The following TMEM132C variants were observed in gnomAD, a reference collection of about 807,000 sequenced individuals.
TMEM132C encodes protein phosphatase 1, regulatory subunit 152.
TMEM132C carries 29 observed loss-of-function variants against 61.4 expected under a neutral mutation model. That is an observed-to-expected ratio of 0.47 (90% CI 0.35 to 0.64). TMEM132C has a LOEUF of 0.64. Ranked by LOEUF, TMEM132C falls within the 30% of genes least tolerant of loss-of-function variation. TMEM132C has a pLI of 0.00. For synonymous variants in TMEM132C, 656 were observed against 633.1 expected (o/e 1.04, Z -0.54); for missense variants, 1,408 against 1,476.9 (o/e 0.95, Z 0.76).
At chr12:128,378,742 G>A (rs1310921484) in intron 1 of TMEM132C, among the ~76,000 whole-genome samples, 1 of 152,140 alleles carries the variant, frequency 6.6e-6, no homozygotes, top group East Asian at 1.9e-4. Context: ...CAAGAAGGTT[G>A]AGGTGATACG....
chr12:128,415,343 C>T lies in TMEM132C; in HGVS notation c.697C>T (p.His233Tyr). ...GTPVELYYTV[H>Y]PGNERGDCAG... is the part of the protein sequence containing the mutation. ...CCCTGTGGAGCTCTACTACACCGTG[C>T]ACCCAGGAAACGAGCGAGGGGACTG... is the stretch of plus-strand genomic sequence containing the variant. Residue 233 changes from histidine (H) to tyrosine (Y), a missense_variant, in exon 2 of 9, where the codon CAC (histidine) becomes TAC (tyrosine). His to Tyr is a moderately conservative substitution (Grantham distance 83). Transcript: ENST00000435159. The surrounding 1 kb of genome is among the most constrained non-coding windows in gnomAD (Gnocchi z 5.8). 1 of 1,581,324 alleles carries T rather than the reference C, an allele frequency of 6.3e-7. No homozygotes were observed. Among genetic ancestry groups the T allele is most frequent in the Non-Finnish European group, 8.6e-7 (1 of 1,162,290 alleles).
At chr12:128,693,175 G>A (rs889755561) in intron 5 of TMEM132C, among the ~76,000 whole-genome samples, 8 of 152,312 alleles carry the variant, frequency 5.3e-5, no homozygotes, top group African/African-American at 1.9e-4. Flanking sequence ...AGGCCTGCAT[G>A]TGCATGCAGG....
chr12:128,453,901 G>A (rs192826613), intron 2 of TMEM132C, among the ~76,000 whole-genome samples: 9 of 152,244 alleles, frequency 5.9e-5, no homozygotes, highest in Non-Finnish European at 1.0e-4. Context: ...AATTATGTTC[G>A]ATTTTTAAAA....
At chr12:128,421,535 A>G (rs575205061) in intron 2 of TMEM132C, among the ~76,000 whole-genome samples, 1 of 152,326 alleles carries the variant, frequency 6.6e-6, no homozygotes, top group South Asian at 2.1e-4. Flanking sequence ...GGAAATGTTT[A>G]TGGGACTAAT....
chr12:128,386,177 C>G (rs1381640520), intron 1 of TMEM132C, among the ~76,000 whole-genome samples: 2 of 152,200 alleles, frequency 1.3e-5, no homozygotes, highest in African/African-American at 4.8e-5. Context: ...GTGTTTTCAT[C>G]AGAGGTGGCC....
At chr12:128,694,358 A>T (rs983197084) in intron 6 of TMEM132C, among the ~76,000 whole-genome samples, 16 of 152,246 alleles carry the variant, frequency 1.1e-4, no homozygotes, top group African/African-American at 3.9e-4. Flanking sequence ...TCTCCAAAAA[A>T]AAGTCAGTCC....
At chr12:128,682,813 A>G (rs1954646272) in intron 5 of TMEM132C, among the ~76,000 whole-genome samples, 1 of 152,162 alleles carries the variant, frequency 6.6e-6, no homozygotes. Flanking sequence ...AGAAGTCTGG[A>G]GTCAAGGTGT....
At chr12:128,581,255 CTT>C (rs57374376) in intron 3 of TMEM132C, among the ~76,000 whole-genome samples, 2 of 144,184 alleles carry the variant, frequency 1.4e-5, no homozygotes. Flanking sequence ...TTCCGGGAAT[CTT>C]TTTTTTTTTT....
At chr12:128,488,215 A>C in intron 2 of TMEM132C, among the ~76,000 whole-genome samples, 1 of 152,236 alleles carries the variant, frequency 6.6e-6, no homozygotes, top group South Asian at 2.1e-4. Flanking sequence ...TGTTAATGTG[A>C]ACAGTGTGGA....
intron 3 of TMEM132C, among the ~76,000 whole-genome samples, chr12:128,550,329 G>A (rs1874125312): frequency 6.6e-6 from 1 of 151,300 alleles, no homozygotes; most frequent in Non-Finnish European, 1.5e-5. Flanking sequence ...TCGAGACAGG[G>A]TCTCGCTCTG....
intron 2 of TMEM132C, among the ~76,000 whole-genome samples, chr12:128,468,320 T>C (rs1870813388): frequency 6.6e-6 from 1 of 151,812 alleles, no homozygotes. Flanking sequence ...AAATTTACTT[T>C]TTTTTTTTCT....
intron 1 of TMEM132C, among the ~76,000 whole-genome samples, chr12:128,289,256 G>T (rs1871177840): frequency 6.6e-6 from 1 of 152,128 alleles, no homozygotes. Flanking sequence ...TAACATACAT[G>T]CACACTTATA....
rs548256295 is a variant in TMEM132C at position 128,348,887 on chromosome 12, T to A, written c.86-65845T>A. Among the ~76,000 whole-genome samples the A allele has an allele frequency of 2.6e-5, 4 of 152,388 alleles. No homozygotes were observed. The South Asian group carries it at 6.2e-4, about 24-fold the overall frequency. On this transcript the variant is annotated intron_variant, in intron 1 of 8. Coordinates refer to ENST00000435159, the MANE Select transcript of TMEM132C (RefSeq NM_001136103.3). The stretch of plus-strand genomic sequence containing the variant: ...TAGAGATCTGAAGAGGATGTGTCAC[T>A]GAGAGAATTGGCTGAAAATACCAGT...
intron 3 of TMEM132C, among the ~76,000 whole-genome samples, chr12:128,565,537 TC>T (rs1874665680): frequency 6.6e-6 from 1 of 152,238 alleles, no homozygotes; most frequent in African/African-American, 2.4e-5. Flanking sequence ...TATAAGAAGT[TC>T]TTCATGTCTT....
chr12:128,609,649 G>C (rs1371282211), intron 3 of TMEM132C, among the ~76,000 whole-genome samples: 1 of 152,102 alleles, frequency 6.6e-6, no homozygotes, highest in Non-Finnish European at 1.5e-5. Flanking sequence ...CCTGCTGCCT[G>C]TCTCTGTTAT....
At chr12:128,496,463 G>T (rs1871962685) in intron 2 of TMEM132C, among the ~76,000 whole-genome samples, 1 of 152,044 alleles carries the variant, frequency 6.6e-6, no homozygotes, top group Non-Finnish European at 1.5e-5. Flanking sequence ...ATCACTTTCA[G>T]GTACACCAAT....
chr12:128,505,920 A>T (rs1872341531), intron 2 of TMEM132C, among the ~76,000 whole-genome samples: 1 of 152,096 alleles, frequency 6.6e-6, no homozygotes, highest in Non-Finnish European at 1.5e-5. Flanking sequence ...CATTCCACAG[A>T]GCCTCCCAGT....
chr12:128,357,849 C>T (rs1873567847), intron 1 of TMEM132C, among the ~76,000 whole-genome samples: 1 of 151,926 alleles, frequency 6.6e-6, no homozygotes, highest in African/African-American at 2.4e-5. Flanking sequence ...CACCCGAGGC[C>T]TCCCCTCCGT....
intron 2 of TMEM132C, among the ~76,000 whole-genome samples, chr12:128,480,046 C>T (rs923942422): frequency 6.6e-6 from 1 of 152,020 alleles, no homozygotes; most frequent in African/African-American, 2.4e-5. Context: ...TTGCTTGAGC[C>T]CAGGAGTTTG....
Sources: allele counts gnomAD v4.1 joint callset (sites outside exome capture counted in the v4.1 genomes callset), GRCh38; gene constraint gnomAD v4.1.1; non-coding constraint Gnocchi (gnomAD v3.1); transcripts MANE v1.5; gene names NCBI Gene and HGNC (gene_info 2026-07-23, HGNC 2026-07-21).